Variants in FKBP5 observed in about 807,000 individuals in gnomAD.
FKBP5 encodes the protein peptidyl-prolyl cis-trans isomerase FKBP5.
Under a neutral mutation model 50.5 loss-of-function variants are expected in FKBP5, and 23 were observed. That is an observed-to-expected ratio of 0.46 (90% CI 0.33 to 0.65). The LOEUF (loss-of-function observed/expected upper bound fraction) is 0.65. Ranked by LOEUF, FKBP5 falls within the 30% of genes least tolerant of loss-of-function variation. The pLI is 0.02. For missense variants in FKBP5, 411 were observed against 553.1 expected (o/e 0.74, Z 2.58); for synonymous variants, 176 against 190.6 (o/e 0.92, Z 0.63).
intron 5 of FKBP5, among the ~76,000 whole-genome samples, chr6:35,598,729 G>C (rs1243189014): frequency 6.6e-6 from 1 of 152,052 alleles, no homozygotes; most frequent in African/African-American, 2.4e-5. Flanking sequence ...CCCACACTTT[G>C]GGAGGCCGAG....
chr6:35,727,381 AG>A (rs1766736012), intron 1 of FKBP5, among the ~76,000 whole-genome samples: 1 of 152,226 alleles, frequency 6.6e-6, no homozygotes, highest in African/African-American at 2.4e-5. Context: ...AGCTAAACAC[AG>A]GGAAGGGTCA....
chr6:35,579,485 T>G (rs967107154), intron 9 of FKBP5, among the ~76,000 whole-genome samples: 1 of 152,274 alleles, frequency 6.6e-6, no homozygotes, highest in Middle Eastern at 3.4e-3. Context: ...GATAAACCAC[T>G]GTTATAGAGT....
chr6:35,632,091 T>G (rs191232130), intron 3 of FKBP5, among the ~76,000 whole-genome samples: 1 of 152,254 alleles, frequency 6.6e-6, no homozygotes, highest in African/African-American at 2.4e-5. Flanking sequence ...GAAGTATGTA[T>G]GAAAATCCTT....
chr6:35,635,867 T>C (rs754101153), intron 3 of FKBP5, among the ~76,000 whole-genome samples: 32 of 152,178 alleles, frequency 2.1e-4, no homozygotes, highest in Admixed American at 6.6e-5. Context: ...CCCACAAAGA[T>C]AGATAGTTGA....
chr6:35,667,632 A>G (rs1466020017), intron 1 of FKBP5, among the ~76,000 whole-genome samples: 3 of 152,184 alleles, frequency 2.0e-5, no homozygotes, highest in Non-Finnish European at 4.4e-5. Flanking sequence ...TATAATCCCA[A>G]CACTTTGGGA....
chr6:35,705,881 A>G (rs1410565987), intron 2 of FKBP5, among the ~76,000 whole-genome samples: 2 of 152,124 alleles, frequency 1.3e-5, no homozygotes, highest in Non-Finnish European at 2.9e-5. Context: ...AGGCCCAGGC[A>G]CATGGATCAC....
At chr6:35,677,273 CTG>C (rs1765551469) in intron 1 of FKBP5, among the ~76,000 whole-genome samples, 2 of 152,130 alleles carry the variant, frequency 1.3e-5, no homozygotes, top group Admixed American at 1.3e-4. Flanking sequence ...CGGGGTTTCA[CTG>C]TGTTAGCCAG....
chr6:35,675,991 T>G (rs1353552934), intron 1 of FKBP5, among the ~76,000 whole-genome samples: 1 of 152,144 alleles, frequency 6.6e-6, no homozygotes, highest in African/African-American at 2.4e-5. Context: ...CATCTGAATT[T>G]AAATCAGTAA....
At chr6:35,579,212 CAT>C (rs1762343757) in intron 9 of FKBP5, among the ~76,000 whole-genome samples, 1 of 152,062 alleles carries the variant, frequency 6.6e-6, no homozygotes. Flanking sequence ...CGAAAAAATA[CAT>C]ATAAAATTAA....
intron 2 of FKBP5, among the ~76,000 whole-genome samples, chr6:35,701,173 C>T (rs1412403774): frequency 1.3e-5 from 2 of 151,700 alleles, no homozygotes; most frequent in Admixed American, 6.6e-5. Context: ...ATCTGAAATT[C>T]AGATAAGAAT....
In FKBP5 at chr6:35,659,527, G is replaced by A. The variant is rs1322260133; in HGVS notation, c.-19-16684C>T. On this transcript the variant is annotated intron_variant, in intron 1 of 10. Transcript: ENST00000357266. ...CTCCCAAAGTGCTGGGATTATAGGCGTGAGCCACCAAGCCTGGCCGAATTC... is the reference window on the plus strand; with the variant it reads ...CTCCCAAAGTGCTGGGATTATAGGCATGAGCCACCAAGCCTGGCCGAATTC... 8.2e-5 allele frequency among the ~76,000 whole-genome samples: 7 copies of A among 84,930 alleles called. 2 individuals carry two copies. Among genetic ancestry groups the A allele is most frequent in the East Asian group, 7.6e-4 (2 of 2,640 alleles). 55.7% of individuals were successfully genotyped at this position (84,930 alleles called of 152,430 possible).
chr6:35,590,245 G>A (rs1762771408), intron 7 of FKBP5, among the ~76,000 whole-genome samples: 1 of 152,088 alleles, frequency 6.6e-6, no homozygotes, highest in African/African-American at 2.4e-5. Context: ...GCTGGAGTGA[G>A]CTATGATCGC....
At chr6:35,727,567 T>G (rs145705796) in intron 1 of FKBP5, among the ~76,000 whole-genome samples, 13 of 152,310 alleles carry the variant, frequency 8.5e-5, no homozygotes, top group African/African-American at 2.9e-4. Flanking sequence ...CCCTGGAGTC[T>G]CCGTGTTCCA....
At chr6:35,693,185 T>C (rs1766024599), upstream of FKBP5, among the ~76,000 whole-genome samples, 2 of 133,880 alleles carry the variant, frequency 1.5e-5, no homozygotes, top group Admixed American at 8.2e-5. Context: ...TTTTTTGAGA[T>C]GGAGCCTGGC....
rs1215290938 is a variant in FKBP5 at position 35,658,666 on chromosome 6, AT to A, written c.-19-15824del. ...TTCTCTTGCTAATGTGGTACATGAC[AT>A]TGGTTTTCAAATGTTAAACCAACCT... On this transcript the variant is annotated intron_variant, in intron 1 of 10. Transcript: ENST00000357266. 1.1e-4 allele frequency among the ~76,000 whole-genome samples: 10 copies of A among 88,380 alleles called. 2 individuals carry two copies. The highest frequency in any genetic ancestry group is 7.7e-4 in the South Asian group (2 of 2,582). 58.0% of individuals were successfully genotyped at this position (88,380 alleles called of 152,430 possible). A position where few individuals can be genotyped will look rare whatever the true frequency, so the allele number is the denominator to read the frequency against.
At chr6:35,590,475 G>A (rs1271719427) in intron 7 of FKBP5, among the ~76,000 whole-genome samples, 8 of 152,144 alleles carry the variant, frequency 5.3e-5, no homozygotes, top group Non-Finnish European at 7.4e-5. Context: ...TGTCCAGGTC[G>A]GCTGCTGCTG....
chr6:35,620,406 CAG>C (rs1373242909), intron 3 of FKBP5, 132 bp from the exon 4 acceptor site: 2 of 823,072 alleles, frequency 2.4e-6, no homozygotes, highest in Non-Finnish European at 1.9e-6. Flanking sequence ...TACAAGATGA[CAG>C]AGTGCTACAT....
intron 2 of FKBP5, among the ~76,000 whole-genome samples, chr6:35,639,149 A>G (rs1764407670): frequency 1.3e-5 from 2 of 152,162 alleles, no homozygotes; most frequent in South Asian, 4.1e-4. Context: ...TTCTTTTTTT[A>G]AAAATACGTA....
intron 5 of FKBP5, among the ~76,000 whole-genome samples, chr6:35,599,471 C>T (rs1763080101): frequency 6.6e-6 from 1 of 152,166 alleles, no homozygotes. Context: ...AAGCGTTCTA[C>T]CCTTTTCTTC....
Sources: gnomAD v4.1 joint callset for allele counts (sites outside exome capture counted in the v4.1 genomes callset) on GRCh38, gnomAD v4.1.1 for gene constraint, MANE v1.5 for transcripts, NCBI Gene and HGNC (gene_info 2026-07-23, HGNC 2026-07-21) for gene names.